FRS3: variants seen among roughly 807,000 people sequenced by gnomAD.
The protein encoded by FRS3 is fibroblast growth factor receptor substrate 3.
FRS3 carries 17 observed loss-of-function variants against 41.9 expected under a neutral mutation model. That is an observed-to-expected ratio of 0.41 (90% CI 0.28 to 0.61). The LOEUF is 0.61. Among genes scored for constraint, FRS3 ranks in the 20% least tolerant of loss-of-function variants. The pLI is 0.36. For missense variants in FRS3, 619 were observed against 672.1 expected, an observed-to-expected ratio of 0.92 and a Z score of 0.87; for synonymous variants, 287 against 274.5, an observed-to-expected ratio of 1.05 and a Z score of -0.45.
At chr6:41,772,766 G>GTGTGTA (rs2127299379) in intron 5 of FRS3, 32 bp downstream of exon 5, 6 of 1,564,274 alleles carry the variant, frequency 3.8e-6, no homozygotes, top group Non-Finnish European at 5.2e-6. Flanking sequence ...GTGTGTGTGT[G>GTGTGTA]TGTGTGTGTG....
chr6:41,775,423 G>A lies in FRS3; in HGVS notation c.249C>T (p.Gly83=). 1 of 1,610,182 alleles carries A rather than the reference G, an allele frequency of 6.2e-7. No individual in the cohort carries two copies. Among genetic ancestry groups the A allele is most frequent in the Non-Finnish European group, 8.5e-7 (1 of 1,179,140 alleles). ...GGAGCAGGGCCTGGTACTCACCCTG[G>A]CCTGTCTGACATCGGCGGCCACTCT... is the stretch of plus-strand genomic sequence containing the variant. ...SFESGRRCQT[G]QGIFAFKCSR... is the part of the protein sequence containing the mutation. The change falls in exon 4 of 7, where the codon GGC becomes GGT. Residue 83 remains glycine (G), a synonymous_variant. Coordinates refer to ENST00000373018, the MANE Select transcript of FRS3 (RefSeq NM_006653.5).
Position 41,776,828 on chromosome 6 carries a change from T to C in FRS3, c.66+94A>G, listed in dbSNP as rs973875458. 1.5e-5 allele frequency: 15 copies of C among 1,012,798 alleles called. No individual in the cohort carries two copies. In the Admixed American group the frequency reaches 2.6e-4, roughly 17 times the overall value. The allele number at this position is 1,012,798 out of a possible 1,614,324, so 62.7% of individuals were successfully genotyped here. A position where few individuals can be genotyped will look rare whatever the true frequency, so the allele number is the denominator to read the frequency against. On this transcript the variant is annotated intron_variant, in intron 3 of 6. Coordinates refer to ENST00000373018, the MANE Select transcript of FRS3 (RefSeq NM_006653.5). ...CCCACAACCTCAGCCTGGCATTTGA[T>C]TTGCTGTTAGAGAAGCTGAGGCAAC... is the stretch of plus-strand genomic sequence containing the variant.
At position 41,771,865 on chromosome 6, in the gene FRS3, G is replaced by A. The variant is rs74687105; in HGVS notation, c.515C>T (p.Pro172Leu). ...RRLSTSSLRH[P>L]SLGEESTHAL... ...ATGGGTGGACTCTTCCCCAAGCGAG[G>A]GGTGCCGCAGGCTGCTTGTCGAGAG... The change falls in exon 6 of 7, where the codon CCC becomes CTC. Residue 172 changes from proline (P) to leucine (L), a missense_variant. Transcript: ENST00000373018. The A allele has an allele frequency of 5.3e-3, 8,262 of 1,553,404 alleles. 368 individuals carry two copies. In the African/African-American group the frequency reaches 0.095, roughly 18 times the overall value.
intron 1 of FRS3, among the ~76,000 whole-genome samples, chr6:41,779,417 T>A (rs193205278): frequency 3.9e-5 from 6 of 151,950 alleles, no homozygotes; most frequent in Non-Finnish European, 7.4e-5. Context: ...TGAGGGATCC[T>A]AGGAATTTCC....
At chr6:41,771,677 C>T in intron 6 of FRS3, 139 bp downstream of exon 6, 1 of 1,165,128 alleles carries the variant, frequency 8.6e-7, no homozygotes, top group South Asian at 1.5e-5. Context: ...GAGGAAGCTG[C>T]TCCCTTTTGG....
At position 41,775,523 on chromosome 6, in the gene FRS3, T is replaced by A. The variant is rs372090161; in HGVS notation, c.149A>T (p.His50Leu). Residue 50 changes from histidine to leucine, a missense_variant, in exon 4 of 7, where the codon CAT becomes CTT. By Grantham distance (99) the His-to-Leu change is moderately conservative. This residue lies in a region of FRS3 where 100 missense variants were observed against 138.1 expected (regional missense o/e 0.72). Transcript: ENST00000373018. ...LTQSELVLHLHRREAVRWPYL... is the reference protein window; with the variant it reads ...LTQSELVLHLLRREAVRWPYL... The stretch of plus-strand genomic sequence containing the variant: ...AGGCCAGCGGACGGCCTCACGCCGA[T>A]GCAGGTGCAGCACCAGCTCACTCTG... The A allele has an allele frequency of 1.2e-6, 2 of 1,613,882 alleles. No homozygotes were observed. Among genetic ancestry groups the A allele is most frequent in the Non-Finnish European group, 1.7e-6 (2 of 1,179,888 alleles).
At position 41,775,982 on chromosome 6, in the gene FRS3, A is replaced by C. The variant is rs536321038; in HGVS notation, c.67-377T>G. 7.2e-5 allele frequency among the ~76,000 whole-genome samples: 11 copies of C among 152,292 alleles called. No homozygotes were observed. The South Asian group carries it at 2.3e-3, about 32-fold the overall frequency. ...TCAATTGTAAATTCAAAATCTTGAG[A>C]CTGGGACACCCTGACCTAGGAAAGT... On this transcript the variant is annotated intron_variant, in intron 3 of 6. Coordinates refer to ENST00000373018, the MANE Select transcript of FRS3 (RefSeq NM_006653.5).
rs1355737986 is a variant in FRS3, at chr6:41,770,283, A to G, written c.*336T>C. 1 of 282,182 alleles carries G rather than the reference A, an allele frequency of 3.5e-6. No individual in the cohort carries two copies. The highest frequency in any genetic ancestry group is 6.6e-6 in the Non-Finnish European group (1 of 150,406). 17.5% of individuals were successfully genotyped at this position (282,182 alleles called of 1,614,324 possible). On this transcript the variant is annotated 3_prime_UTR_variant, in exon 7 of 7. Transcript: ENST00000373018. The stretch of plus-strand genomic sequence containing the variant: ...AAATCAACAGGTACAAAATGTTTCA[A>G]AATTCCAACCAAAAAAAACACACAC...
At chr6:41,774,830 A>G (rs868232438) in intron 4 of FRS3, among the ~76,000 whole-genome samples, 12 of 152,224 alleles carry the variant, frequency 7.9e-5, no homozygotes, top group Non-Finnish European at 1.5e-4. Context: ...TACTCTGGCA[A>G]AATATGACGA....
At chr6:41,779,606 G>A (rs1168315505) in intron 1 of FRS3, among the ~76,000 whole-genome samples, 1 of 151,988 alleles carries the variant, frequency 6.6e-6, no homozygotes, top group African/African-American at 2.4e-5. Flanking sequence ...CTACAGGACT[G>A]TCAAGGGGAA....
At chr6:41,775,334 C>T in intron 4 of FRS3, 85 bp downstream of exon 4, 4 of 1,080,362 alleles carry the variant, frequency 3.7e-6, no homozygotes, top group Non-Finnish European at 5.2e-6. Context: ...ATAACACTAA[C>T]CTCTTGAGGG....
At chr6:41,771,573 C>A in intron 6 of FRS3, 40 bp from the exon 7 acceptor site, 1 of 1,460,378 alleles carries the variant, frequency 6.8e-7, no homozygotes. Context: ...TGTCCCAGGG[C>A]AGGGAGAAAA....
chr6:41,779,443 T>C (rs898016383), intron 1 of FRS3, among the ~76,000 whole-genome samples: 1 of 151,654 alleles, frequency 6.6e-6, no homozygotes, highest in Non-Finnish European at 1.5e-5. Flanking sequence ...GTGGAAGCAT[T>C]TGGGGGCATC....
At chr6:41,779,293 G>T (rs1772476906) in intron 1 of FRS3, among the ~76,000 whole-genome samples, 1 of 152,068 alleles carries the variant, frequency 6.6e-6, no homozygotes, top group Non-Finnish European at 1.5e-5. Flanking sequence ...GTATGGATCA[G>T]GGGCAGGAGT....
At position 41,772,871 on chromosome 6, in the gene FRS3, T is replaced by C. The variant is rs1438228720; in HGVS notation, c.342A>G (p.Glu114=). 1 of 1,613,734 alleles carries C rather than the reference T, an allele frequency of 6.2e-7. No individual in the cohort carries two copies. Among genetic ancestry groups the C allele is most frequent in the African/African-American group, 1.3e-5 (1 of 74,858 alleles). The change falls in exon 5 of 7, where the codon GAA becomes GAG. Residue 114 remains glutamate, a synonymous_variant. Coordinates refer to ENST00000373018, the MANE Select transcript of FRS3 (RefSeq NM_006653.5). ...LMQCNSINVM[E]EPVIITRNSH... The stretch of plus-strand genomic sequence containing the variant: ...TATTGCGGGTGATGATGACAGGCTC[T>C]TCCATCACATTGATGCTGTTGCACT...
chr6:41,771,724 C>A, intron 6 of FRS3, 92 bp downstream of exon 6: 1 of 1,385,716 alleles, frequency 7.2e-7, no homozygotes, highest in Non-Finnish European at 9.8e-7. Flanking sequence ...CTTCCCCTTC[C>A]CGTGATCCTT....
chr6:41,777,755 G>A (rs1162852584), intron 2 of FRS3: 2 of 152,108 alleles, frequency 1.3e-5, no homozygotes, highest in African/African-American at 4.8e-5. Context: ...CAGGATTCCA[G>A]TACTTGGATT....
chr6:41,776,982 C>T lies in FRS3; in HGVS notation c.6G>A (p.Gly2=), dbSNP rs1183600989. The part of the protein sequence containing the change: M[G]SCCSCLNRDS... ...CTCTGTTCAGGCAGCTGCAGCAGCT[C>T]CCCATGGTGTCAGAGCAGCCAGCCT... The change falls in exon 3 of 7, where the codon GGG becomes GGA. Residue 2 remains glycine, a synonymous_variant. Coordinates refer to ENST00000373018, the MANE Select transcript of FRS3 (RefSeq NM_006653.5). 6.2e-7 allele frequency: 1 copy of T among 1,613,994 alleles called. No homozygotes were observed. Among genetic ancestry groups the T allele is most frequent in the South Asian group, 1.1e-5 (1 of 91,070 alleles).
chr6:41,775,485 G>A lies in FRS3; in HGVS notation c.187C>T (p.Arg63Trp), dbSNP rs1191388573. The A allele has an allele frequency of 5.0e-6, 8 of 1,613,708 alleles. No homozygotes were observed. The highest frequency in any genetic ancestry group is 2.2e-5 in the East Asian group (1 of 44,886). ...AGGTTGGAGTCGTAGCCATAGCGCC[G>A]CAAGCAGAGATAAGGCCAGCGGACG... is the stretch of plus-strand genomic sequence containing the variant. Reference protein sequence around the residue: ...EAVRWPYLCLRRYGYDSNLFS... With the variant: ...EAVRWPYLCLWRYGYDSNLFS... The change falls in exon 4 of 7, where the codon CGG becomes TGG. Residue 63 changes from arginine to tryptophan, a missense_variant. By Grantham distance (101) the Arg-to-Trp change is moderately radical. Around this residue, in one of 3 missense-constraint regions of FRS3, gnomAD observed 100 missense variants for 138.1 expected, o/e 0.72. Coordinates refer to ENST00000373018, the MANE Select transcript of FRS3 (RefSeq NM_006653.5).
Sources: gnomAD v4.1 joint callset for allele counts (sites outside exome capture counted in the v4.1 genomes callset) on GRCh38, gnomAD v4.1.1 for gene constraint, gnomAD v4.1.1 regional missense constraint, MANE v1.5 for transcripts, NCBI Gene and HGNC (gene_info 2026-07-23, HGNC 2026-07-21) for gene names.